The following RAB11FIP5 variants were observed in gnomAD, a reference collection of about 807,000 sequenced individuals.
RAB11FIP5 encodes the protein rab11 family-interacting protein 5.
A neutral mutation model predicts 85.1 loss-of-function variants in RAB11FIP5; 48 were observed. The observed-to-expected ratio is 0.56, with a 90% CI of 0.45 to 0.72. The LOEUF is 0.72. Ranked by LOEUF, RAB11FIP5 falls within the 30% of genes least tolerant of loss-of-function variation. RAB11FIP5 has a pLI of 0.00. For synonymous variants in RAB11FIP5, 729 were observed against 727.3 expected, an observed-to-expected ratio of 1.00 and a Z score of -0.04; for missense variants, 1,491 against 1,687.0, an observed-to-expected ratio of 0.88 and a Z score of 2.04.
Position 73,112,696 on chromosome 2 carries a change from C to A in RAB11FIP5, c.82G>T (p.Ala28Ser). Reference sequence around the variant, plus strand: ...GAGCTCTTGCCCCGCAGCCCGCGGGCCCGCAGCACCGTCACCTGGACGTGC... The same window carrying A: ...GAGCTCTTGCCCCGCAGCCCGCGGGACCGCAGCACCGTCACCTGGACGTGC... The part of the protein sequence containing the change: ...PTHVQVTVLR[A>S]RGLRGKSSGA... The change falls in exon 1 of 6, where the codon GCC becomes TCC. Residue 28 changes from alanine to serine, a missense_variant. Physicochemically the swap from Ala to Ser is moderately conservative, Grantham distance 99. Coordinates refer to ENST00000486777, the MANE Select transcript of RAB11FIP5 (RefSeq NM_001371272.1). The A allele has an allele frequency of 1.3e-6, 2 of 1,575,948 alleles. No homozygotes were observed. The highest frequency in any genetic ancestry group is 2.4e-5 in the East Asian group (1 of 42,056).
intron 4 of RAB11FIP5, among the ~76,000 whole-genome samples, chr2:73,079,014 C>T (rs1253965461): frequency 1.3e-5 from 2 of 152,226 alleles, no homozygotes; most frequent in South Asian, 4.1e-4. Context: ...CAAACGCAAA[C>T]CAATGAAGCA....
intron 1 of RAB11FIP5, among the ~76,000 whole-genome samples, chr2:73,105,531 C>A (rs1390964850): frequency 6.6e-6 from 1 of 152,046 alleles, no homozygotes; most frequent in Non-Finnish European, 1.5e-5. Context: ...GCATGAGCCA[C>A]CACACCCAGC....
chr2:73,098,726 T>C (rs986000474), intron 1 of RAB11FIP5, among the ~76,000 whole-genome samples: 3 of 152,180 alleles, frequency 2.0e-5, no homozygotes, highest in Non-Finnish European at 2.9e-5. Context: ...GTCACCCCCC[T>C]ATTTCTCTAG....
At chr2:73,100,332 A>G (rs1017354310) in intron 1 of RAB11FIP5, among the ~76,000 whole-genome samples, 39 of 152,286 alleles carry the variant, frequency 2.6e-4, no homozygotes, top group Admixed American at 2.2e-3. Flanking sequence ...GCAGCCTTCA[A>G]TGACTGGTAT....
chr2:73,075,841 AGG>A lies in RAB11FIP5; in HGVS notation c.3772-119_3772-118del. On this transcript the variant is annotated intron_variant, in intron 5 of 5. Coordinates refer to ENST00000486777, the MANE Select transcript of RAB11FIP5 (RefSeq NM_001371272.1). This position sits in a 1 kb window ranked among gnomAD's most constrained non-coding sequence, Gnocchi z 4.6. ...CTAAGTTTCACCACCACAGGGCCCC[AGG>A]CTGCCTGTCTCCAAAGTCAGAGCCT... 6.9e-7 allele frequency: 1 copy of A among 1,448,854 alleles called. No homozygotes were observed. The highest frequency in any genetic ancestry group is 2.3e-5 in the East Asian group (1 of 43,706). 89.7% of individuals were successfully genotyped at this position (1,448,854 alleles called of 1,614,324 possible).
chr2:73,076,327 CA>C (rs1198938382), intron 4 of RAB11FIP5, 145 bp from the exon 5 acceptor site: 3 of 815,452 alleles, frequency 3.7e-6, no homozygotes, highest in African/African-American at 1.7e-5. Flanking sequence ...GTCAAGGTTT[CA>C]GGGCAGCGGT....
chr2:73,095,196 G>C (rs1239368241), intron 1 of RAB11FIP5, among the ~76,000 whole-genome samples: 1 of 152,172 alleles, frequency 6.6e-6, no homozygotes, highest in Non-Finnish European at 1.5e-5. Flanking sequence ...AGGACACAAG[G>C]GTTTTGATGA....
At chr2:73,090,648 G>C (rs184319890) in intron 1 of RAB11FIP5, among the ~76,000 whole-genome samples, 1 of 152,198 alleles carries the variant, frequency 6.6e-6, no homozygotes, top group Non-Finnish European at 1.5e-5. Flanking sequence ...ATCTGAAAAG[G>C]CTTCATGCTT....
intron 1 of RAB11FIP5, among the ~76,000 whole-genome samples, chr2:73,100,917 A>T (rs764624956): frequency 1.1e-4 from 17 of 152,036 alleles, no homozygotes; most frequent in Non-Finnish European, 1.0e-4. Flanking sequence ...TGCCCCAGTG[A>T]CCAAACAGTG....
At position 73,081,329 on chromosome 2, in the gene RAB11FIP5, G is replaced by C. The variant is rs1683979239; in HGVS notation, c.1903C>G (p.Pro635Ala). The C allele has an allele frequency of 2.4e-6, 3 of 1,232,762 alleles. No homozygotes were observed. The highest frequency in any genetic ancestry group is 3.0e-6 in the Non-Finnish European group (3 of 988,514). 76.4% of individuals were successfully genotyped at this position (1,232,762 alleles called of 1,614,324 possible). The stretch of plus-strand genomic sequence containing the variant: ...TTCCCAGGGGAGGCCAGGGGGGTGG[G>C]GCTGGCCCTCGAGGCACTGGGGAGA... ...PSLPSASRASPTPLASPGKAL... is the reference protein window; with the variant it reads ...PSLPSASRASATPLASPGKAL... The change falls in exon 4 of 6, where the codon CCC becomes GCC. Residue 635 changes from proline (P) to alanine (A), a missense_variant. Transcript: ENST00000486777. The surrounding 1 kb of genome is among the most constrained non-coding windows in gnomAD (Gnocchi z 4.2).
In RAB11FIP5 at chr2:73,080,067, C is replaced by T; in HGVS notation, c.3165G>A (p.Val1055=). ...SLSATSQQAD[V]WVSKEDALNP... ...TCAAGGCATCTTCCTTGGAGACCCA[C>T]ACATCAGCCTGCTGGGAGGTGGCTG... The change falls in exon 4 of 6, where the codon GTG becomes GTA. Residue 1055 remains valine, a synonymous_variant. Transcript: ENST00000486777. 1 of 1,232,222 alleles carries T rather than the reference C, an allele frequency of 8.1e-7. No individual in the cohort carries two copies. Among genetic ancestry groups the T allele is most frequent in the Non-Finnish European group, 1.0e-6 (1 of 988,018 alleles). 76.3% of individuals were successfully genotyped at this position (1,232,222 alleles called of 1,614,324 possible).
Position 73,088,864 on chromosome 2 carries a change from C to T in RAB11FIP5, c.868+15G>A. The T allele has an allele frequency of 1.3e-6, 2 of 1,554,786 alleles. No homozygotes were observed. Among genetic ancestry groups the T allele is most frequent in the Non-Finnish European group, 1.7e-6 (2 of 1,152,176 alleles). On this transcript the variant is annotated intron_variant, in intron 2 of 5. Transcript: ENST00000486777. ...GTGCCCCCCTCCCCAGGGCGGCGGC[C>T]CTGTGCTTGCTCACCCCCTTCAGTG... is the stretch of plus-strand genomic sequence containing the variant.
Position 73,080,512 on chromosome 2 carries a change from AGG to A in RAB11FIP5, c.2718_2719del (p.Phe908HisfsTer19). ...CTCCTGGGATCTTGAGGGTGTGAAG[AGG>A]CGCGGTGGCTTGGGAGGTGGGGTGC... On this transcript the variant is annotated frameshift_variant, in exon 4 of 6. Transcript: ENST00000486777. LOFTEE classifies it high-confidence loss of function. The A allele has an allele frequency of 8.1e-7, 1 of 1,232,858 alleles. No homozygotes were observed. The highest frequency in any genetic ancestry group is 1.0e-6 in the Non-Finnish European group (1 of 988,342). The allele number at this position is 1,232,858 out of a possible 1,614,324, so 76.4% of individuals were successfully genotyped here.
chr2:73,092,340 A>G (rs1684232725), intron 1 of RAB11FIP5, among the ~76,000 whole-genome samples: 2 of 152,198 alleles, frequency 1.3e-5, no homozygotes, highest in Non-Finnish European at 2.9e-5. Flanking sequence ...CACTGCACAC[A>G]CCACAGCGGT....
chr2:73,078,696 T>C lies in RAB11FIP5; in HGVS notation c.3581+955A>G, dbSNP rs774035084. Among the ~76,000 whole-genome samples, 2 of 152,228 alleles carry C rather than the reference T, an allele frequency of 1.3e-5. No homozygotes were observed. The highest frequency in any genetic ancestry group is 2.9e-5 in the Non-Finnish European group (2 of 68,030). On this transcript the variant is annotated intron_variant, in intron 4 of 5. Coordinates refer to ENST00000486777, the MANE Select transcript of RAB11FIP5 (RefSeq NM_001371272.1). This position sits in a 1 kb window ranked among gnomAD's most constrained non-coding sequence, Gnocchi z 4.4. ...ATAGTAGGTGCTCAGTGAATGTGGA[T>C]GACCAAACATGAATGCCTGGTCGGG...
intron 1 of RAB11FIP5, among the ~76,000 whole-genome samples, chr2:73,100,282 T>A (rs1684401800): frequency 6.6e-6 from 1 of 152,180 alleles, no homozygotes; most frequent in African/African-American, 2.4e-5. Flanking sequence ...CCGTTTCAAG[T>A]GACACTGTAT....
intron 1 of RAB11FIP5, among the ~76,000 whole-genome samples, chr2:73,092,471 T>C (rs1360955482): frequency 1.3e-5 from 2 of 152,208 alleles, no homozygotes; most frequent in African/African-American, 2.4e-5. Flanking sequence ...ACTGTGGTAA[T>C]AGGAAAAAGA....
chr2:73,100,808 GT>G (rs530644662), intron 1 of RAB11FIP5, among the ~76,000 whole-genome samples: 3 of 146,238 alleles, frequency 2.1e-5, no homozygotes, highest in African/African-American at 5.0e-5. Flanking sequence ...TTGTTTTTTT[GT>G]TTTTTTTTGT....
rs771856878 is a variant in RAB11FIP5, at chr2:73,088,477, G to A, written c.1141C>T (p.Arg381Cys). 1.4e-5 allele frequency: 22 copies of A among 1,613,858 alleles called. No homozygotes were observed. Among genetic ancestry groups the A allele is most frequent in the African/African-American group, 4.0e-5 (3 of 74,944 alleles). Residue 381 changes from arginine to cysteine, a missense_variant, in exon 3 of 6, where the codon CGT becomes TGT. Around this residue, in one of 3 missense-constraint regions of RAB11FIP5, gnomAD observed 1,211 missense variants for 1,338.0 expected, o/e 0.91. Transcript: ENST00000486777. ...CTGGGCCAGGTGTCATCTGTGGAACGAGGCCCCTCCTCGGAGAACCGGGAA... is the reference window on the plus strand; with the variant it reads ...CTGGGCCAGGTGTCATCTGTGGAACAAGGCCCCTCCTCGGAGAACCGGGAA... ...VSSRFSEEGP[R>C]STDDTWPRGS...
Sources: gnomAD v4.1 joint callset for allele counts (sites outside exome capture counted in the v4.1 genomes callset) on GRCh38, gnomAD v4.1.1 for gene constraint, gnomAD v4.1.1 regional missense constraint, Gnocchi (gnomAD v3.1) non-coding constraint, MANE v1.5 for transcripts, NCBI Gene and HGNC (gene_info 2026-07-23, HGNC 2026-07-21) for gene names.